Variants in DIP2C observed in about 807,000 individuals in gnomAD.
The protein encoded by DIP2C is disco-interacting protein 2 homolog C.
DIP2C carries 33 observed loss-of-function variants against 192.4 expected under a neutral mutation model. The observed-to-expected ratio is 0.17, with a 90% CI of 0.13 to 0.23. The LOEUF (loss-of-function observed/expected upper bound fraction) is 0.23. DIP2C is among the 10% of genes least tolerant of loss of function. The pLI is 1.00. For missense variants in DIP2C, 1,537 were observed against 2,110.1 expected (o/e 0.73, Z 5.32); for synonymous variants, 979 against 864.1 (o/e 1.13, Z -2.33).
At chr10:446,642 T>A (rs746073471) in intron 3 of DIP2C, among the ~76,000 whole-genome samples, 8 of 152,136 alleles carry the variant, frequency 5.3e-5, no homozygotes, top group Non-Finnish European at 1.0e-4. Flanking sequence ...ATGGCCATGA[T>A]CCCCTGACAC....
intron 28 of DIP2C, among the ~76,000 whole-genome samples, chr10:342,976 G>T (rs896565391): frequency 1.3e-5 from 2 of 152,188 alleles, no homozygotes; most frequent in African/African-American, 4.8e-5. Flanking sequence ...CATACAAAAT[G>T]GTCTGATTTT....
intron 27 of DIP2C, 35 bp downstream of exon 27, chr10:344,964 G>T: frequency 6.2e-7 from 1 of 1,606,430 alleles, no homozygotes. Context: ...GAGCAAGGCC[G>T]TGAGCAAACC....
chr10:521,063 G>A (rs951802243), intron 1 of DIP2C, among the ~76,000 whole-genome samples: 3 of 152,112 alleles, frequency 2.0e-5, no homozygotes, highest in African/African-American at 7.2e-5. Flanking sequence ...TATAAATCCT[G>A]GACTTTTGGA....
At chr10:529,041 G>A (rs756919445) in intron 1 of DIP2C, among the ~76,000 whole-genome samples, 1 of 152,202 alleles carries the variant, frequency 6.6e-6, no homozygotes, top group Non-Finnish European at 1.5e-5. Context: ...CTGTGAGGAC[G>A]GCGCTGCCGG....
rs1382054233 is a variant in DIP2C at position 403,778 on chromosome 10, G to A, written c.1150-4559C>T. On this transcript the variant is annotated intron_variant, in intron 9 of 36. Transcript: ENST00000280886. The stretch of plus-strand genomic sequence containing the variant: ...TGAATCCTGTGATTCTACATGTGTG[G>A]TAGTATTAGCATTACTCTTCCTTAT... Among the ~76,000 whole-genome samples the A allele has an allele frequency of 9.3e-5, 14 of 150,146 alleles. 1 individual carries two copies. Among genetic ancestry groups the A allele is most frequent in the Non-Finnish European group, 1.8e-4 (12 of 67,594 alleles).
At chr10:532,265 GCCCCC>G (rs1847413777) in intron 1 of DIP2C, among the ~76,000 whole-genome samples, 1 of 152,162 alleles carries the variant, frequency 6.6e-6, no homozygotes, top group African/African-American at 2.4e-5. Context: ...GGAAAGCCCT[GCCCCC>G]ACCTCCACCC....
intron 1 of DIP2C, among the ~76,000 whole-genome samples, chr10:548,464 GAGGCAGGC>G (rs1554897921): frequency 6.9e-6 from 1 of 144,576 alleles, no homozygotes; most frequent in South Asian, 2.4e-4. Flanking sequence ...GGGAGGGAGG[GAGGCAGGC>G]AGGCAGGCAG....
intron 1 of DIP2C, among the ~76,000 whole-genome samples, chr10:535,037 T>A (rs541046149): frequency 6.6e-6 from 1 of 152,198 alleles, no homozygotes; most frequent in African/African-American, 2.4e-5. Flanking sequence ...AGACAAGAAG[T>A]CAGCCTGGGT....
intron 1 of DIP2C, chr10:665,943 C>T (rs948095394): frequency 6.6e-5 from 10 of 152,138 alleles, no homozygotes; most frequent in Non-Finnish European, 1.5e-4. Flanking sequence ...GAAGCGCTTT[C>T]CTCCCCCAAC....
chr10:314,852 A>G (rs369333423), intron 31 of DIP2C, among the ~76,000 whole-genome samples: 4 of 152,214 alleles, frequency 2.6e-5, no homozygotes, highest in African/African-American at 4.8e-5. Context: ...CTCATGTCTT[A>G]TACTACTGCA....
chr10:688,254 A>G lies in DIP2C; in HGVS notation c.85+1240T>C, dbSNP rs1831404233. Among the ~76,000 whole-genome samples the G allele has an allele frequency of 2.0e-5, 3 of 152,216 alleles. No individual in the cohort carries two copies. In the South Asian group the frequency reaches 6.2e-4, roughly 32 times the overall value. On this transcript the variant is annotated intron_variant, in intron 1 of 36. Coordinates refer to ENST00000280886, the MANE Select transcript of DIP2C (RefSeq NM_014974.3). ...GCCTGGAAGACTCTGCCCCCCGCCA[A>G]CTGTGTCACGTTACAGGACACTGAC... is the stretch of plus-strand genomic sequence containing the variant.
intron 1 of DIP2C, among the ~76,000 whole-genome samples, chr10:624,978 G>A (rs1854104819): frequency 6.6e-6 from 1 of 152,216 alleles, no homozygotes; most frequent in Non-Finnish European, 1.5e-5. Flanking sequence ...TGCAGGCCTG[G>A]CCGGCGGCGC....
intron 1 of DIP2C, among the ~76,000 whole-genome samples, chr10:577,332 G>A (rs1165784690): frequency 6.6e-6 from 1 of 152,168 alleles, no homozygotes; most frequent in Admixed American, 6.5e-5. Context: ...AGAAGTATCG[G>A]TACTGTAACT....
chr10:583,626 G>C, intron 1 of DIP2C, among the ~76,000 whole-genome samples: 1 of 152,216 alleles, frequency 6.6e-6, no homozygotes, highest in Non-Finnish European at 1.5e-5. Context: ...GGCTGCTCCC[G>C]AGACTGTGCT....
At chr10:496,906 C>T (rs937373098) in intron 1 of DIP2C, among the ~76,000 whole-genome samples, 8 of 152,206 alleles carry the variant, frequency 5.3e-5, no homozygotes, top group Non-Finnish European at 8.8e-5. Context: ...GGGCAGATCA[C>T]GAGGTCAGGA....
At position 559,805 on chromosome 10, in the gene DIP2C, G is replaced by A. The variant is rs1029347231; in HGVS notation, c.86-73275C>T. 2.0e-5 allele frequency among the ~76,000 whole-genome samples: 3 copies of A among 152,202 alleles called. 1 individual carries two copies. Among genetic ancestry groups the A allele is most frequent in the South Asian group, 4.1e-4 (2 of 4,832 alleles). On this transcript the variant is annotated intron_variant, in intron 1 of 36. Transcript: ENST00000280886. ...CCCCATGGCCCCGGCCTGGCAGGAG[G>A]CCACTGCTGGGGCCCCTGCTCAGGG...
At chr10:607,950 G>A (rs1852617110) in intron 1 of DIP2C, among the ~76,000 whole-genome samples, 1 of 151,636 alleles carries the variant, frequency 6.6e-6, no homozygotes, top group South Asian at 2.1e-4. Flanking sequence ...GGGTCCCAGA[G>A]GTGGCTGAGG....
At chr10:607,995 C>T (rs1038335298) in intron 1 of DIP2C, among the ~76,000 whole-genome samples, 2 of 151,692 alleles carry the variant, frequency 1.3e-5, no homozygotes, top group Non-Finnish European at 2.9e-5. Flanking sequence ...AAACCAAAAT[C>T]GGAGTCCGCA....
intron 1 of DIP2C, among the ~76,000 whole-genome samples, chr10:613,129 AAC>A (rs924019241): frequency 3.3e-5 from 5 of 152,206 alleles, no homozygotes; most frequent in African/African-American, 7.2e-5. Flanking sequence ...GTCTGCAAAA[AAC>A]AGTCACTCAT....
Sources: allele counts gnomAD v4.1 joint callset (sites outside exome capture counted in the v4.1 genomes callset), GRCh38; gene constraint gnomAD v4.1.1; transcripts MANE v1.5; gene names NCBI Gene and HGNC (gene_info 2026-07-23, HGNC 2026-07-21).